The following PITPNC1 variants were observed in gnomAD, a reference collection of about 807,000 sequenced individuals.
PITPNC1 encodes the protein phosphatidylinositol transfer protein cytoplasmic 1, also known as cytoplasmic phosphatidylinositol transfer protein 1.
In PITPNC1, 18 loss-of-function variants were observed where a neutral mutation model predicts 44.7. The observed-to-expected ratio is 0.40, with a 90% CI of 0.28 to 0.60. The LOEUF (loss-of-function observed/expected upper bound fraction) is 0.60, where lower values mean the gene tolerates loss of function less well. Ranked by LOEUF, PITPNC1 falls within the 20% of genes least tolerant of loss-of-function variation. PITPNC1 has a pLI of 0.39. For synonymous variants in PITPNC1, 141 were observed against 149.6 expected, an observed-to-expected ratio of 0.94 and a Z score of 0.42; for missense variants, 290 against 418.4, an observed-to-expected ratio of 0.69 and a Z score of 2.68.
chr17:67,425,203 G>GCACACACA (rs60705271), intron 1 of PITPNC1, among the ~76,000 whole-genome samples: 1,381 of 98,660 alleles, frequency 0.014, 56 homozygotes, highest in East Asian at 0.069. Flanking sequence ...GCACGCACAC[G>GCACACACA]CACACACACA....
chr17:67,587,550 T>G (rs918529573), intron 5 of PITPNC1, among the ~76,000 whole-genome samples: 6 of 152,094 alleles, frequency 3.9e-5, no homozygotes, highest in African/African-American at 1.4e-4. Flanking sequence ...CAGAGAGGGA[T>G]GTGGGTCATG....
Position 67,583,765 on chromosome 17 carries a change from G to A in PITPNC1, c.366+5508G>A, listed in dbSNP as rs1350663815. Among the ~76,000 whole-genome samples the A allele has an allele frequency of 2.7e-4, 4 of 15,048 alleles. 1 individual carries two copies. Among genetic ancestry groups the A allele is most frequent in the African/African-American group, 5.6e-4 (2 of 3,546 alleles). The allele number at this position is 15,048 out of a possible 152,430, so 9.9% of individuals were successfully genotyped here. A position where few individuals can be genotyped will look rare whatever the true frequency, so the allele number is the denominator to read the frequency against. ...GCTGGAGTGCAGTGGCGCGATCTCA[G>A]CTCACTGCAAGCTCCGGCCTTCCAG... On this transcript the variant is annotated intron_variant, in intron 5 of 8. Coordinates refer to ENST00000581322, the MANE Select transcript of PITPNC1 (RefSeq NM_012417.4).
chr17:67,542,911 A>G (rs1316722762), intron 2 of PITPNC1, among the ~76,000 whole-genome samples: 2 of 152,210 alleles, frequency 1.3e-5, no homozygotes, highest in Admixed American at 1.3e-4. Flanking sequence ...TAGAGTCCAC[A>G]ATAATTATTA....
chr17:67,406,293 C>T (rs2038399916), intron 1 of PITPNC1, among the ~76,000 whole-genome samples: 1 of 152,036 alleles, frequency 6.6e-6, no homozygotes, highest in Admixed American at 6.6e-5. Flanking sequence ...AGGTGTGTGT[C>T]ACCTTGCTTG....
At chr17:67,479,270 C>G (rs1224323386) in intron 1 of PITPNC1, among the ~76,000 whole-genome samples, 2 of 152,116 alleles carry the variant, frequency 1.3e-5, no homozygotes, top group Non-Finnish European at 1.5e-5. Context: ...TTCTGCCTAC[C>G]ACACACACGT....
At chr17:67,480,678 G>A (rs1390645039) in intron 1 of PITPNC1, among the ~76,000 whole-genome samples, 1 of 151,994 alleles carries the variant, frequency 6.6e-6, no homozygotes, top group African/African-American at 2.4e-5. Context: ...AAGTCTAGAA[G>A]GAACTACCCC....
chr17:67,538,306 A>T (rs910907696), intron 2 of PITPNC1, among the ~76,000 whole-genome samples: 7 of 152,152 alleles, frequency 4.6e-5, no homozygotes, highest in African/African-American at 1.7e-4. Flanking sequence ...TACACACACA[A>T]ATAAACTCCA....
chr17:67,557,880 A>G (rs1306434819), intron 4 of PITPNC1, among the ~76,000 whole-genome samples: 6 of 152,172 alleles, frequency 3.9e-5, no homozygotes, highest in Non-Finnish European at 7.3e-5. Context: ...CCCAAGCTCC[A>G]TAGTTCCTGT....
At chr17:67,532,289 G>A (rs1242062852) in intron 1 of PITPNC1, among the ~76,000 whole-genome samples, 1 of 152,174 alleles carries the variant, frequency 6.6e-6, no homozygotes, top group East Asian at 1.9e-4. Context: ...AGCCACCTTT[G>A]AGAACCATTG....
At chr17:67,656,871 C>G (rs183904120) in intron 6 of PITPNC1, among the ~76,000 whole-genome samples, 165 of 152,126 alleles carry the variant, frequency 1.1e-3, no homozygotes, top group African/African-American at 3.9e-3. Context: ...GAATCAGGCC[C>G]AAAACACTAC....
chr17:67,623,778 G>T (rs1257787393), intron 5 of PITPNC1, among the ~76,000 whole-genome samples: 1 of 152,128 alleles, frequency 6.6e-6, no homozygotes, highest in Non-Finnish European at 1.5e-5. Context: ...AACCATCAAA[G>T]TTTCTGTTGT....
intron 7 of PITPNC1, among the ~76,000 whole-genome samples, chr17:67,674,518 C>T (rs1273132234): frequency 7.0e-6 from 1 of 142,740 alleles, no homozygotes; most frequent in Non-Finnish European, 1.6e-5. Context: ...AAAAAAAAAT[C>T]AGTATTTAGG....
chr17:67,585,949 CAATT>C lies in PITPNC1; in HGVS notation c.366+7698_366+7701del, dbSNP rs1184724754. ...ACTTTCAGCCTCCAGAGCTGTGAGA[CAATT>C]AATTAGATTTTGTTGTTTACACCAC... is the stretch of plus-strand genomic sequence containing the variant. On this transcript the variant is annotated intron_variant, in intron 5 of 8. Coordinates refer to ENST00000581322, the MANE Select transcript of PITPNC1 (RefSeq NM_012417.4). Among the ~76,000 whole-genome samples the C allele has an allele frequency of 2.6e-5, 4 of 152,120 alleles. No individual in the cohort carries two copies. The East Asian group carries it at 5.8e-4, about 22-fold the overall frequency.
rs1320275776 is a variant in PITPNC1 at position 67,377,382 on chromosome 17, C to T, written c.-773C>T. On this transcript the variant is annotated 5_prime_UTR_variant, in exon 1 of 9. Transcript: ENST00000581322. The stretch of plus-strand genomic sequence containing the variant: ...GCGGGCACGCACGGCGCCCGGGGAG[C>T]CGAGGGACTCGGGGGAGGGGACGCG... 7.2e-5 allele frequency: 11 copies of T among 152,352 alleles called. No homozygotes were observed. The highest frequency in any genetic ancestry group is 7.2e-4 in the Admixed American group (11 of 15,272). 9.4% of individuals were successfully genotyped at this position (152,352 alleles called of 1,614,324 possible).
At chr17:67,563,693 T>C (rs184966951) in intron 4 of PITPNC1, among the ~76,000 whole-genome samples, 1 of 152,328 alleles carries the variant, frequency 6.6e-6, no homozygotes, top group Admixed American at 6.5e-5. Context: ...TGAACTGTAA[T>C]ATCTCTCAGC....
intron 1 of PITPNC1, among the ~76,000 whole-genome samples, chr17:67,528,146 A>T (rs1422077932): frequency 6.6e-6 from 1 of 151,986 alleles, no homozygotes; most frequent in East Asian, 1.9e-4. Flanking sequence ...GGTTCAAGTG[A>T]TTCTCCTGTC....
rs58085156 is a variant in PITPNC1, at chr17:67,690,448, C to CAA, written c.683-2110_683-2109dup. ...GGGAGACAAGAGCAAAACTCTGTCT[C>CAA]AAAAAAAAAAAAAAAGAAAAAGAAA... On this transcript the variant is annotated intron_variant, in intron 8 of 8. Transcript: ENST00000581322. 8.0e-4 allele frequency among the ~76,000 whole-genome samples: 91 copies of CAA among 113,376 alleles called. 6 individuals are homozygous for CAA. Among genetic ancestry groups the CAA allele is most frequent in the East Asian group, 1.8e-3 (7 of 3,968 alleles). 74.4% of individuals were successfully genotyped at this position (113,376 alleles called of 152,430 possible).
intron 6 of PITPNC1, among the ~76,000 whole-genome samples, chr17:67,653,563 T>G (rs543782093): frequency 6.6e-6 from 1 of 152,050 alleles, no homozygotes; most frequent in South Asian, 2.1e-4. Flanking sequence ...TTGTTGTCTG[T>G]GATACTTGAT....
chr17:67,680,320 G>C (rs942381634), intron 8 of PITPNC1, among the ~76,000 whole-genome samples: 2 of 152,002 alleles, frequency 1.3e-5, no homozygotes, highest in Non-Finnish European at 2.9e-5. Context: ...CAACTATAAG[G>C]CTGGCACGGT....
Sources: gnomAD v4.1 joint callset for allele counts (sites outside exome capture counted in the v4.1 genomes callset) on GRCh38, gnomAD v4.1.1 for gene constraint, MANE v1.5 for transcripts, NCBI Gene and HGNC (gene_info 2026-07-23, HGNC 2026-07-21) for gene names.